SPOCK1: variants seen among roughly 807,000 people sequenced by gnomAD.
The protein encoded by SPOCK1 is testican-1.
In SPOCK1, 23 loss-of-function variants were observed where a neutral mutation model predicts 55.3. The observed-to-expected ratio is 0.42, with a 90% CI of 0.30 to 0.59. The LOEUF (loss-of-function observed/expected upper bound fraction) is 0.59, where lower values mean the gene tolerates loss of function less well. SPOCK1 is among the 20% of genes least tolerant of loss of function. SPOCK1 has a pLI of 0.22. For missense variants in SPOCK1, 499 were observed against 552.5 expected (o/e 0.90, Z 0.97); for synonymous variants, 226 against 221.0 (o/e 1.02, Z -0.20).
At chr5:137,405,421 T>C (rs1580907795) in intron 2 of SPOCK1, among the ~76,000 whole-genome samples, 1 of 151,826 alleles carries the variant, frequency 6.6e-6, no homozygotes, top group Non-Finnish European at 1.5e-5. Context: ...AGGCAGGAGG[T>C]AAAGCTGGCT....
chr5:137,100,385 A>G (rs2127024921), intron 5 of SPOCK1, among the ~76,000 whole-genome samples: 1 of 152,306 alleles, frequency 6.6e-6, no homozygotes, highest in East Asian at 1.9e-4. Flanking sequence ...TTTATTATAA[A>G]GAGAAGCCAG....
At chr5:137,120,130 T>C (rs1471448899) in intron 4 of SPOCK1, among the ~76,000 whole-genome samples, 1 of 152,140 alleles carries the variant, frequency 6.6e-6, no homozygotes, top group East Asian at 1.9e-4. Context: ...AGCACCTTTA[T>C]GTGCTTCACC....
chr5:137,389,039 G>T (rs1751656831), intron 2 of SPOCK1, among the ~76,000 whole-genome samples: 1 of 152,294 alleles, frequency 6.6e-6, no homozygotes, highest in African/African-American at 2.4e-5. Context: ...AATCAAGACA[G>T]GATGAGAGAG....
At chr5:137,166,588 T>C (rs976639876) in intron 3 of SPOCK1, among the ~76,000 whole-genome samples, 16 of 152,044 alleles carry the variant, frequency 1.1e-4, no homozygotes, top group Non-Finnish European at 1.8e-4. Context: ...AAAAGGTTAA[T>C]GAATCAGAAA....
chr5:137,267,178 T>G, intron 2 of SPOCK1, 123 bp from the exon 3 acceptor site: 1 of 785,446 alleles, frequency 1.3e-6, no homozygotes, highest in Non-Finnish European at 2.1e-6. Context: ...AGCTTAGAAA[T>G]TTTTCCCAAA....
intron 3 of SPOCK1, among the ~76,000 whole-genome samples, chr5:137,203,921 T>G (rs1415838672): frequency 6.6e-6 from 1 of 152,222 alleles, no homozygotes; most frequent in Non-Finnish European, 1.5e-5. Flanking sequence ...AATGTAGATG[T>G]GCCACCACTT....
chr5:137,007,222 T>C (rs938450621), intron 6 of SPOCK1, among the ~76,000 whole-genome samples: 2 of 151,974 alleles, frequency 1.3e-5, no homozygotes, highest in African/African-American at 2.4e-5. Flanking sequence ...ATTCAGGACA[T>C]AGGCATAGGC....
chr5:137,364,604 A>C (rs1751018184), intron 2 of SPOCK1, among the ~76,000 whole-genome samples: 1 of 152,176 alleles, frequency 6.6e-6, no homozygotes, highest in Non-Finnish European at 1.5e-5. Context: ...CACCTAAGAC[A>C]AGGGCAATTT....
chr5:137,002,922 G>A (rs1038502762), intron 6 of SPOCK1, among the ~76,000 whole-genome samples: 4 of 152,124 alleles, frequency 2.6e-5, no homozygotes, highest in Admixed American at 2.6e-4. Flanking sequence ...GAGCTCAACT[G>A]GCCAACAGCA....
chr5:137,459,451 C>CTTTTTT (rs10642886), intron 2 of SPOCK1, among the ~76,000 whole-genome samples: 4 of 145,714 alleles, frequency 2.7e-5, no homozygotes, highest in Non-Finnish European at 6.0e-5. Context: ...TAATGAAAGG[C>CTTTTTT]TTTTTTTTTT....
chr5:136,981,090 G>T (rs1282214802), intron 9 of SPOCK1, among the ~76,000 whole-genome samples: 1 of 152,120 alleles, frequency 6.6e-6, no homozygotes, highest in Non-Finnish European at 1.5e-5. Flanking sequence ...GGCACCACAT[G>T]GAAAACCCTT....
chr5:137,410,906 GA>G (rs1752196978), intron 2 of SPOCK1, among the ~76,000 whole-genome samples: 1 of 152,222 alleles, frequency 6.6e-6, no homozygotes, highest in African/African-American at 2.4e-5. Flanking sequence ...ACCACCTTGA[GA>G]AGAGCACCAA....
intron 5 of SPOCK1, among the ~76,000 whole-genome samples, chr5:137,102,733 AG>A (rs1753293761): frequency 6.6e-6 from 1 of 152,212 alleles, no homozygotes; most frequent in Non-Finnish European, 1.5e-5. Context: ...ACCTGAAAAA[AG>A]TTGTATAGCT....
intron 2 of SPOCK1, among the ~76,000 whole-genome samples, chr5:137,420,347 A>T (rs1176652376): frequency 6.6e-6 from 1 of 152,096 alleles, no homozygotes; most frequent in East Asian, 1.9e-4. Context: ...TTTTCTATTG[A>T]TTGGAATAGT....
At chr5:137,395,120 A>G (rs1692056385) in intron 2 of SPOCK1, among the ~76,000 whole-genome samples, 1 of 152,212 alleles carries the variant, frequency 6.6e-6, no homozygotes, top group African/African-American at 2.4e-5. Context: ...GCATGTGTAC[A>G]CCAATGACAT....
At chr5:137,044,912 C>T (rs939758182) in intron 6 of SPOCK1, among the ~76,000 whole-genome samples, 8 of 144,398 alleles carry the variant, frequency 5.5e-5, no homozygotes, top group African/African-American at 1.3e-4. Flanking sequence ...TTTGTTCTTG[C>T]GATAGTTTAC....
rs370005059 is a variant in SPOCK1, at chr5:137,040,987, A to G, written c.589+26728T>C. Among the ~76,000 whole-genome samples, 6 of 152,356 alleles carry G rather than the reference A, an allele frequency of 3.9e-5. No individual in the cohort carries two copies. In the East Asian group the frequency reaches 7.7e-4, roughly 20 times the overall value. On this transcript the variant is annotated intron_variant, in intron 6 of 10. Transcript: ENST00000394945. ...TGTACATGTATCAGGCAAAAAGGCT[A>G]GGAACCATACATATTTCTTTAAAAA...
At chr5:137,100,508 T>A (rs1201967690) in intron 5 of SPOCK1, among the ~76,000 whole-genome samples, 1 of 152,212 alleles carries the variant, frequency 6.6e-6, no homozygotes, top group Admixed American at 6.5e-5. Flanking sequence ...ATACATATCA[T>A]CTTTTGGCCT....
chr5:137,259,179 C>T (rs1756697469), intron 3 of SPOCK1, among the ~76,000 whole-genome samples: 1 of 152,168 alleles, frequency 6.6e-6, no homozygotes, highest in African/African-American at 2.4e-5. Context: ...ACTATAAAGA[C>T]ACATGCAAAC....
Sources: allele counts gnomAD v4.1 joint callset (sites outside exome capture counted in the v4.1 genomes callset), GRCh38; gene constraint gnomAD v4.1.1; transcripts MANE v1.5; gene names NCBI Gene and HGNC (gene_info 2026-07-23, HGNC 2026-07-21).